ABCA10: variants seen among roughly 807,000 people sequenced by gnomAD.
The protein encoded by ABCA10 is ATP-binding cassette sub-family A member 10.
A neutral mutation model predicts 187.5 loss-of-function variants in ABCA10; 169 were observed. The ratio of observed to expected loss-of-function variants is 0.90; its 90% CI spans 0.80 to 1.02. The LOEUF (loss-of-function observed/expected upper bound fraction) is 1.02, where lower values mean the gene tolerates loss of function less well. Ranked by LOEUF, ABCA10 falls within the 50% of genes least tolerant of loss-of-function variation. ABCA10 has a pLI of 0.00. For synonymous variants in ABCA10, 574 were observed against 601.8 expected, an observed-to-expected ratio of 0.95 and a Z score of 0.68; for missense variants, 1,727 against 1,812.4, an observed-to-expected ratio of 0.95 and a Z score of 0.86.
At position 69,244,527 on chromosome 17, in the gene ABCA10, A is replaced by G. The variant is rs1487923624; in HGVS notation, c.-593+2T>C. ...ATAAATAAAAAATAATTAAACTTTT[A>G]CCTGATAAGAATAGCTGATATAAAA... is the stretch of plus-strand genomic sequence containing the variant. On this transcript the variant is annotated splice_donor_variant, in intron 1 of 39. Coordinates refer to the ABCA10 transcript ENST00000269081. LOFTEE classifies it low-confidence loss of function (5UTR_SPLICE). 6.6e-6 allele frequency: 1 copy of G among 151,854 alleles called. No individual in the cohort carries two copies. Among genetic ancestry groups the G allele is most frequent in the Non-Finnish European group, 1.5e-5 (1 of 67,860 alleles). 9.4% of individuals were successfully genotyped at this position (151,854 alleles called of 1,614,324 possible). A position where few individuals can be genotyped will look rare whatever the true frequency, so the allele number is the denominator to read the frequency against.
At chr17:69,240,765 CA>C (rs2074899019) in intron 1 of ABCA10, among the ~76,000 whole-genome samples, 1 of 152,206 alleles carries the variant, frequency 6.6e-6, no homozygotes, top group Non-Finnish European at 1.5e-5. Context: ...AAATCAATCA[CA>C]AACTCAATTT....
intron 10 of ABCA10, among the ~76,000 whole-genome samples, chr17:69,197,567 C>T (rs558643634): frequency 6.6e-6 from 1 of 152,314 alleles, no homozygotes; most frequent in East Asian, 1.9e-4. Flanking sequence ...CATAGCTTCT[C>T]ACTATACTAC....
chr17:69,156,990 G>C (rs1324478081), intron 27 of ABCA10, 67 bp from the exon 28 acceptor site: 1 of 976,334 alleles, frequency 1.0e-6, no homozygotes, highest in African/African-American at 1.7e-5. Context: ...GTGAATATTT[G>C]TCCATTTTTT....
At chr17:69,178,389 T>C (rs2074353212) in intron 22 of ABCA10, among the ~76,000 whole-genome samples, 1 of 152,150 alleles carries the variant, frequency 6.6e-6, no homozygotes, top group South Asian at 2.1e-4. Context: ...GTTCTCTAAG[T>C]GTGGTCCCAG....
intron 3 of ABCA10, chr17:69,223,696 A>T (rs892650286): frequency 1.4e-5 from 6 of 441,610 alleles, no homozygotes; most frequent in Non-Finnish European, 2.3e-5. Flanking sequence ...CAGTGCTAAC[A>T]TCACTGATTT....
Position 69,191,254 on chromosome 17 carries a change from G to A in ABCA10, c.1933C>T (p.Pro645Ser), listed in dbSNP as rs776380111. 5.2e-5 allele frequency: 83 copies of A among 1,603,096 alleles called. No individual in the cohort carries two copies. The highest frequency in any genetic ancestry group is 2.5e-4 in the Admixed American group (15 of 59,222). Reference protein sequence around the residue: ...KITSLIKQHIPDAKLTTESEE... With the variant: ...KITSLIKQHISDAKLTTESEE... ...CTTTCTGTTGTTAACTTGGCATCAG[G>A]AATGTGCTGCTTAATAAGGGATGTG... Residue 645 changes from proline (P) to serine (S), a missense_variant, in exon 17 of 39, where the codon CCT becomes TCT. Pro to Ser is a moderately conservative substitution (Grantham distance 74). Transcript: ENST00000690296.
chr17:69,214,298 G>A (rs1039370595), intron 9 of ABCA10, among the ~76,000 whole-genome samples: 9 of 152,128 alleles, frequency 5.9e-5, no homozygotes, highest in Admixed American at 1.3e-4. Flanking sequence ...GGCGGATCAC[G>A]AGGTCAGGAG....
chr17:69,219,005 G>C (rs1477927959), intron 6 of ABCA10, among the ~76,000 whole-genome samples: 1 of 152,130 alleles, frequency 6.6e-6, no homozygotes, highest in Non-Finnish European at 1.5e-5. Context: ...CTTGACTTTA[G>C]TTCTGTCCAT....
chr17:69,221,649 A>G, intron 5 of ABCA10, 143 bp downstream of exon 5: 2 of 691,374 alleles, frequency 2.9e-6, no homozygotes, highest in Non-Finnish European at 4.7e-6. Context: ...AGATATTCCC[A>G]TGTGACAGCT....
At chr17:69,202,225 A>G (rs944028395) in intron 9 of ABCA10, among the ~76,000 whole-genome samples, 2 of 152,248 alleles carry the variant, frequency 1.3e-5, no homozygotes, top group East Asian at 3.8e-4. Context: ...CATATCAAAC[A>G]TCAAGAACTT....
At chr17:69,225,303 C>T in intron 3 of ABCA10, 22 bp downstream of exon 3, 1 of 1,611,676 alleles carries the variant, frequency 6.2e-7, no homozygotes, top group Non-Finnish European at 8.5e-7. Context: ...AATACTGAAA[C>T]ATTGGTTATT....
intron 22 of ABCA10, among the ~76,000 whole-genome samples, chr17:69,178,255 GTTA>G (rs1189499619): frequency 6.6e-6 from 1 of 151,818 alleles, no homozygotes; most frequent in Non-Finnish European, 1.5e-5. Context: ...GGAAAATGAG[GTTA>G]TTAAGAGAAG....
chr17:69,166,971 A>C (rs2074258860), intron 25 of ABCA10, among the ~76,000 whole-genome samples: 1 of 152,178 alleles, frequency 6.6e-6, no homozygotes, highest in African/African-American at 2.4e-5. Flanking sequence ...CATTATCTAT[A>C]AAAGCTGATA....
intron 37 of ABCA10, 132 bp from the exon 38 acceptor site, chr17:69,149,220 G>T: frequency 1.1e-6 from 1 of 926,868 alleles, no homozygotes; most frequent in Non-Finnish European, 1.6e-6. Flanking sequence ...ACATTTTCTT[G>T]AAGGATAAAG....
intron 33 of ABCA10, 24 bp downstream of exon 33, chr17:69,153,447 G>C: frequency 6.2e-7 from 1 of 1,613,986 alleles, no homozygotes; most frequent in Non-Finnish European, 8.5e-7. Context: ...GGGTGCACAG[G>C]GAAACCCCGA....
chr17:69,216,780 A>G (rs1428850459), intron 6 of ABCA10, among the ~76,000 whole-genome samples: 2 of 152,164 alleles, frequency 1.3e-5, no homozygotes, highest in Non-Finnish European at 2.9e-5. Flanking sequence ...TCCTTATACT[A>G]AAGCTTTCTA....
rs528462598 is a variant in ABCA10 at position 69,198,513 on chromosome 17, T to C, written c.1176-1391A>G. 1.5e-4 allele frequency among the ~76,000 whole-genome samples: 23 copies of C among 152,298 alleles called. 2 individuals are homozygous for C. In the South Asian group the frequency reaches 4.8e-3, roughly 32 times the overall value. ...TCTCAGACTTCTTGACAAGGACTGCTTTGCTACTGCAGATTGAGATAACTG... is the reference window on the plus strand; with the variant it reads ...TCTCAGACTTCTTGACAAGGACTGCCTTGCTACTGCAGATTGAGATAACTG... On this transcript the variant is annotated intron_variant, in intron 10 of 38. Coordinates refer to ENST00000690296, the MANE Select transcript of ABCA10 (RefSeq NM_001377321.1).
At chr17:69,228,332 G>T (rs972347795) in intron 1 of ABCA10, among the ~76,000 whole-genome samples, 2 of 151,914 alleles carry the variant, frequency 1.3e-5, no homozygotes, top group Non-Finnish European at 2.9e-5. Flanking sequence ...GTCAGAGAGA[G>T]AATTTATTGT....
intron 2 of ABCA10, among the ~76,000 whole-genome samples, chr17:69,226,056 T>C (rs2074790920): frequency 6.6e-6 from 1 of 152,132 alleles, no homozygotes; most frequent in Non-Finnish European, 1.5e-5. Context: ...TGGGGGAAAT[T>C]TGGAAAATTG....
Sources: gnomAD v4.1 joint callset for allele counts (sites outside exome capture counted in the v4.1 genomes callset) on GRCh38, gnomAD v4.1.1 for gene constraint, MANE v1.5 for transcripts, NCBI Gene and HGNC (gene_info 2026-07-23, HGNC 2026-07-21) for gene names.